The following B4GALNT3 variants were observed in gnomAD, a reference collection of about 807,000 sequenced individuals.
The protein encoded by B4GALNT3 is beta-1,4-N-acetylgalactosaminyltransferase 3.
Under a neutral mutation model 120.2 loss-of-function variants are expected in B4GALNT3, and 86 were observed. That is an observed-to-expected ratio of 0.72 (90% CI 0.60 to 0.86). The LOEUF is 0.86. Ranked by LOEUF, B4GALNT3 falls within the 40% of genes least tolerant of loss-of-function variation. B4GALNT3 has a pLI of 0.00. For missense variants in B4GALNT3, 1,167 were observed against 1,298.9 expected (o/e 0.90, Z 1.56); for synonymous variants, 518 against 510.4 (o/e 1.01, Z -0.20).
intron 1 of B4GALNT3, among the ~76,000 whole-genome samples, chr12:509,784 T>C (rs538206345): frequency 6.6e-6 from 1 of 152,202 alleles, no homozygotes; most frequent in Admixed American, 6.5e-5. Context: ...CCAGGGAAGA[T>C]CTTGCCAGAC....
chr12:481,664 C>A (rs1228087539), intron 1 of B4GALNT3, among the ~76,000 whole-genome samples: 2 of 152,188 alleles, frequency 1.3e-5, no homozygotes, highest in Non-Finnish European at 2.9e-5. Flanking sequence ...TAATTTTAGA[C>A]CTGGAGACTC....
At chr12:502,932 TA>T (rs1201000296) in intron 1 of B4GALNT3, among the ~76,000 whole-genome samples, 1 of 152,080 alleles carries the variant, frequency 6.6e-6, no homozygotes, top group Non-Finnish European at 1.5e-5. Context: ...TTTTTATTTT[TA>T]TTTTTTGTAG....
intron 1 of B4GALNT3, among the ~76,000 whole-genome samples, chr12:528,948 G>A (rs747087583): frequency 1.2e-4 from 18 of 152,164 alleles, no homozygotes; most frequent in Non-Finnish European, 2.4e-4. Flanking sequence ...CAGTTTGAGT[G>A]TCTGGTGACA....
At chr12:511,455 T>TCTTCCACCTTCCACCTTCCAC (rs1343649747) in intron 1 of B4GALNT3, among the ~76,000 whole-genome samples, 1 of 41,974 alleles carries the variant, frequency 2.4e-5, no homozygotes, top group Non-Finnish European at 4.0e-5. Context: ...CCTTCCACCT[T>TCTTCCACCTTCCACCTTCCAC]CTTCCACCTT....
rs1947180122 is a variant in B4GALNT3, at chr12:558,057, C to T, written c.2576C>T (p.Ala859Val). The T allele has an allele frequency of 6.2e-7, 1 of 1,613,948 alleles. No individual in the cohort carries two copies. The highest frequency in any genetic ancestry group is 1.1e-5 in the South Asian group (1 of 91,082). ...CTAAGTGGAAACTTTGAACGCTCAGCTGGACTTCAGGCTGGCATAGACCTC... is the reference window on the plus strand; with the variant it reads ...CTAAGTGGAAACTTTGAACGCTCAGTTGGACTTCAGGCTGGCATAGACCTC... ...VKLSGNFERS[A>V]GLQAGIDLVK... The change falls in exon 17 of 20, where the codon GCT becomes GTT. Residue 859 changes from alanine to valine, a missense_variant. Physicochemically the swap from Ala to Val is moderately conservative, Grantham distance 64. Around this residue, in one of 3 missense-constraint regions of B4GALNT3, gnomAD observed 983 missense variants for 1,102.5 expected, o/e 0.89. Coordinates refer to ENST00000266383, the MANE Select transcript of B4GALNT3 (RefSeq NM_173593.4).
At chr12:540,770 G>C (rs1946905473) in intron 3 of B4GALNT3, among the ~76,000 whole-genome samples, 1 of 151,922 alleles carries the variant, frequency 6.6e-6, no homozygotes, top group South Asian at 2.1e-4. Context: ...TTGAGACGGA[G>C]TCTCGCTCTG....
intron 1 of B4GALNT3, among the ~76,000 whole-genome samples, chr12:483,254 A>G (rs1946258926): frequency 6.6e-6 from 1 of 152,182 alleles, no homozygotes; most frequent in South Asian, 2.1e-4. Flanking sequence ...CTTTAGATGC[A>G]TATTTCTTTT....
At position 509,680 on chromosome 12, in the gene B4GALNT3, TC is replaced by T. The variant is rs992860059; in HGVS notation, c.170-25483del. On this transcript the variant is annotated intron_variant, in intron 1 of 19. Transcript: ENST00000266383. ...GACAGGATCTGACTCAAATCACACT[TC>T]CCTCCTGGATTCCAGACTGTCAGGA... 1.9e-4 allele frequency among the ~76,000 whole-genome samples: 29 copies of T among 152,164 alleles called. 2 individuals carry two copies. Among genetic ancestry groups the T allele is most frequent in the African/African-American group, 6.7e-4 (28 of 41,498 alleles).
chr12:532,591 C>T (rs921225010), intron 1 of B4GALNT3, among the ~76,000 whole-genome samples: 3 of 152,016 alleles, frequency 2.0e-5, no homozygotes, highest in Admixed American at 2.0e-4. Flanking sequence ...CTGAACTGGC[C>T]TAATGGGACT....
intron 1 of B4GALNT3, among the ~76,000 whole-genome samples, chr12:474,698 A>T (rs1011666073): frequency 6.6e-6 from 1 of 152,058 alleles, no homozygotes; most frequent in Non-Finnish European, 1.5e-5. Flanking sequence ...GGTGGCACAC[A>T]CCTGTAATCT....
In B4GALNT3 at chr12:553,287, G is replaced by A; in HGVS notation, c.1364G>A (p.Gly455Glu). ...SNNQNARMLE[G>E]RQTPASTLEQ... ...AACCAGAATGCCAGGATGCTTGAGG[G>A]AAGACAGACACCTGCCTCCACCCTG... Residue 455 changes from glycine to glutamate, a missense_variant, in exon 14 of 20, where the codon GGA becomes GAA. Around this residue, in one of 3 missense-constraint regions of B4GALNT3, gnomAD observed 983 missense variants for 1,102.5 expected, o/e 0.89. Coordinates refer to ENST00000266383, the MANE Select transcript of B4GALNT3 (RefSeq NM_173593.4). 2 of 1,613,576 alleles carry A rather than the reference G, an allele frequency of 1.2e-6. No individual in the cohort carries two copies. Among genetic ancestry groups the A allele is most frequent in the Non-Finnish European group, 1.7e-6 (2 of 1,180,030 alleles).
At chr12:514,365 T>G (rs1946629723) in intron 1 of B4GALNT3, among the ~76,000 whole-genome samples, 1 of 151,994 alleles carries the variant, frequency 6.6e-6, no homozygotes, top group Admixed American at 6.6e-5. Flanking sequence ...GCCTGGCTAA[T>G]TTTTTGTATT....
At position 460,913 on chromosome 12, in the gene B4GALNT3, G is replaced by T. The variant is rs1433153095; in HGVS notation, c.169+368G>T. ...CTTGCGGTTCCCGGGGAGGAGGTCCGTGGGGTCCACGCGCGAGCTAGGGAT... is the reference window on the plus strand; with the variant it reads ...CTTGCGGTTCCCGGGGAGGAGGTCCTTGGGGTCCACGCGCGAGCTAGGGAT... On this transcript the variant is annotated intron_variant, in intron 1 of 19. Coordinates refer to ENST00000266383, the MANE Select transcript of B4GALNT3 (RefSeq NM_173593.4). The surrounding 1 kb of genome is among the most constrained non-coding windows in gnomAD (Gnocchi z 8.0). Among the ~76,000 whole-genome samples the T allele has an allele frequency of 6.6e-6, 1 of 152,152 alleles. No homozygotes were observed. Among genetic ancestry groups the T allele is most frequent in the Non-Finnish European group, 1.5e-5 (1 of 68,014 alleles).
At chr12:558,147 G>A in intron 17 of B4GALNT3, 59 bp downstream of exon 17, 2 of 1,570,610 alleles carry the variant, frequency 1.3e-6, no homozygotes, top group East Asian at 4.5e-5. Flanking sequence ...GAGGTAGAGA[G>A]ACATTTGGGG....
chr12:499,770 C>T (rs1379858452), intron 1 of B4GALNT3, among the ~76,000 whole-genome samples: 1 of 152,240 alleles, frequency 6.6e-6, no homozygotes, highest in Non-Finnish European at 1.5e-5. Context: ...AAGGAGTGGT[C>T]ACTTTATTGG....
intron 4 of B4GALNT3, 51 bp from the exon 5 acceptor site, chr12:544,831 T>G (rs1447042801): frequency 6.3e-7 from 1 of 1,583,202 alleles, no homozygotes; most frequent in Non-Finnish European, 8.7e-7. Context: ...TGGCGGGAAG[T>G]TTCCTTTTCC....
At chr12:512,401 TGACCTTC>T (rs1946592969) in intron 1 of B4GALNT3, among the ~76,000 whole-genome samples, 3 of 56,730 alleles carry the variant, frequency 5.3e-5, no homozygotes, top group Admixed American at 1.9e-4. Context: ...CTTCCACCTT[TGACCTTC>T]CACCTTCCGC....
At chr12:510,833 G>C (rs1265395797) in intron 1 of B4GALNT3, among the ~76,000 whole-genome samples, 2 of 151,942 alleles carry the variant, frequency 1.3e-5, no homozygotes, top group Non-Finnish European at 2.9e-5. Context: ...GCCCATCTGA[G>C]TATTCGATTC....
At position 548,083 on chromosome 12, in the gene B4GALNT3, C is replaced by T. The variant is rs1947030573; in HGVS notation, c.767C>T (p.Thr256Ile). 6.2e-7 allele frequency: 1 copy of T among 1,613,818 alleles called. No individual in the cohort carries two copies. Among genetic ancestry groups the T allele is most frequent in the Admixed American group, 1.7e-5 (1 of 59,992 alleles). Reference sequence around the variant, plus strand: ...CTGCACAAGCAGAATGAGGAGGGCACCGACCACGTGGAAGTTGCAGTGAGT... The same window carrying T: ...CTGCACAAGCAGAATGAGGAGGGCATCGACCACGTGGAAGTTGCAGTGAGT... Reference protein sequence around the residue: ...EVLHKQNEEGTDHVEVAWRRN... With the variant: ...EVLHKQNEEGIDHVEVAWRRN... Residue 256 changes from threonine to isoleucine, a missense_variant, in exon 8 of 20, where the codon ACC becomes ATC. Thr to Ile is a moderately conservative substitution (Grantham distance 89). This residue lies in a region of B4GALNT3 where 983 missense variants were observed against 1,102.5 expected (regional missense o/e 0.89). Transcript: ENST00000266383. This position sits in a 1 kb window ranked among gnomAD's most constrained non-coding sequence, Gnocchi z 4.9.
Sources: gnomAD v4.1 joint callset for allele counts (sites outside exome capture counted in the v4.1 genomes callset) on GRCh38, gnomAD v4.1.1 for gene constraint, gnomAD v4.1.1 regional missense constraint, Gnocchi (gnomAD v3.1) non-coding constraint, MANE v1.5 for transcripts, NCBI Gene and HGNC (gene_info 2026-07-23, HGNC 2026-07-21) for gene names.